VSNL1: variants seen among roughly 807,000 people sequenced by gnomAD.
VSNL1 encodes visinin-like protein 1.
In VSNL1, 6 loss-of-function variants were observed where a neutral mutation model predicts 20.4. That is an observed-to-expected ratio of 0.29 (90% CI 0.16 to 0.58). The LOEUF is 0.58. Ranked by LOEUF, VSNL1 falls within the 20% of genes least tolerant of loss-of-function variation. The probability of loss-of-function intolerance (pLI) is 0.90; values close to 1 mark genes in which losing one functional copy is unlikely to be tolerated. For synonymous variants in VSNL1, 93 were observed against 86.4 expected (o/e 1.08, Z -0.42); for missense variants, 100 against 234.5 (o/e 0.43, Z 3.75).
At chr2:17,619,351 GCTAATT>G (rs1381107319) in intron 2 of VSNL1, among the ~76,000 whole-genome samples, 1 of 152,122 alleles carries the variant, frequency 6.6e-6, no homozygotes, top group Non-Finnish European at 1.5e-5. Flanking sequence ...TTCTCAGCAG[GCTAATT>G]TTTCTTGGAG....
chr2:17,643,303 C>T lies in VSNL1; in HGVS notation c.163-6107C>T, dbSNP rs141788043. Among the ~76,000 whole-genome samples the T allele has an allele frequency of 2.5e-3, 385 of 152,284 alleles. 1 individual carries two copies. The highest frequency in any genetic ancestry group is 8.9e-3 in the African/African-American group (371 of 41,566). On this transcript the variant is annotated intron_variant, in intron 2 of 3. Coordinates refer to ENST00000295156, the MANE Select transcript of VSNL1 (RefSeq NM_003385.5). ...TTAAGGGAAAATGTCTCTCGTCTTCCCATCCATGTGACTAAAGTGCAAGTG... is the reference window on the plus strand; with the variant it reads ...TTAAGGGAAAATGTCTCTCGTCTTCTCATCCATGTGACTAAAGTGCAAGTG...
chr2:17,606,331 T>G (rs1346758397), intron 2 of VSNL1, among the ~76,000 whole-genome samples: 1 of 152,140 alleles, frequency 6.6e-6, no homozygotes, highest in Non-Finnish European at 1.5e-5. Flanking sequence ...CAGACAGAAA[T>G]GAGTCCAAGT....
At chr2:17,613,993 G>C (rs1325016311) in intron 2 of VSNL1, among the ~76,000 whole-genome samples, 1 of 152,208 alleles carries the variant, frequency 6.6e-6, no homozygotes, top group Non-Finnish European at 1.5e-5. Context: ...GGAAGGTTGG[G>C]GAAATGAGCT....
chr2:17,576,270 G>A (rs1461115540), intron 1 of VSNL1, among the ~76,000 whole-genome samples: 2 of 152,146 alleles, frequency 1.3e-5, no homozygotes, highest in Non-Finnish European at 2.9e-5. Flanking sequence ...ACAATTTTAT[G>A]TTCCACTCAG....
intron 1 of VSNL1, among the ~76,000 whole-genome samples, chr2:17,568,587 CATT>C (rs1336041496): frequency 6.6e-6 from 1 of 152,204 alleles, no homozygotes; most frequent in African/African-American, 2.4e-5. Context: ...TCATTCATGT[CATT>C]GCATCCTAGT....
At chr2:17,584,084 C>A (rs1206449194) in intron 1 of VSNL1, among the ~76,000 whole-genome samples, 1 of 152,136 alleles carries the variant, frequency 6.6e-6, no homozygotes, top group Non-Finnish European at 1.5e-5. Context: ...GATTGGGGTT[C>A]CAGTGGGCTA....
chr2:17,605,474 C>T (rs1407507638), intron 2 of VSNL1, among the ~76,000 whole-genome samples: 2 of 152,238 alleles, frequency 1.3e-5, no homozygotes, highest in Admixed American at 1.3e-4. Flanking sequence ...AGCGACTCGG[C>T]GGGTAAGCCA....
At chr2:17,593,313 G>A (rs1311517035) in intron 2 of VSNL1, among the ~76,000 whole-genome samples, 1 of 152,090 alleles carries the variant, frequency 6.6e-6, no homozygotes, top group Non-Finnish European at 1.5e-5. Flanking sequence ...AAAATAAACA[G>A]TGGTATATTT....
At chr2:17,604,405 A>G (rs955362182) in intron 2 of VSNL1, among the ~76,000 whole-genome samples, 1 of 152,202 alleles carries the variant, frequency 6.6e-6, no homozygotes, top group African/African-American at 2.4e-5. Flanking sequence ...CCACCAGCCT[A>G]GTCTTGTGGT....
At chr2:17,652,589 AAAG>A (rs778072534) in intron 3 of VSNL1, among the ~76,000 whole-genome samples, 11 of 152,350 alleles carry the variant, frequency 7.2e-5, no homozygotes, top group Admixed American at 2.6e-4. Flanking sequence ...TTTGCTTTAA[AAAG>A]AAGAAGAATG....
chr2:17,589,772 C>T (rs1270153403), intron 1 of VSNL1, among the ~76,000 whole-genome samples: 3 of 152,172 alleles, frequency 2.0e-5, no homozygotes, highest in Non-Finnish European at 4.4e-5. Context: ...GAAGCTGATA[C>T]GTTGTTGAAC....
At chr2:17,621,792 T>C (rs1665366563) in intron 2 of VSNL1, among the ~76,000 whole-genome samples, 1 of 152,164 alleles carries the variant, frequency 6.6e-6, no homozygotes, top group Non-Finnish European at 1.5e-5. Flanking sequence ...CACACTTGGC[T>C]AATTTTTTTG....
At chr2:17,549,531 G>A (rs1464279185) in intron 1 of VSNL1, among the ~76,000 whole-genome samples, 5 of 152,072 alleles carry the variant, frequency 3.3e-5, no homozygotes, top group African/African-American at 1.2e-4. Context: ...AAAAAGGAAG[G>A]CCTATTGAAA....
chr2:17,584,708 A>G, intron 1 of VSNL1, among the ~76,000 whole-genome samples: 1 of 152,138 alleles, frequency 6.6e-6, no homozygotes, highest in East Asian at 1.9e-4. Context: ...CCCTACTCAC[A>G]TGAGAAGACA....
At chr2:17,622,556 GAAA>G (rs1665399062) in intron 2 of VSNL1, among the ~76,000 whole-genome samples, 2 of 104,778 alleles carry the variant, frequency 1.9e-5, no homozygotes, top group Non-Finnish European at 4.5e-5. Context: ...AAGAAAGAAA[GAAA>G]GAAAGAAAGA....
Position 17,619,831 on chromosome 2 carries a change from G to A in VSNL1, c.162+27595G>A, listed in dbSNP as rs577332922. On this transcript the variant is annotated intron_variant, in intron 2 of 3. Transcript: ENST00000295156. ...ATGATCAGGAATGGTACTAGACACC[G>A]GGGATTCAAATAATTTGTTTGTTAC... 3.7e-4 allele frequency among the ~76,000 whole-genome samples: 56 copies of A among 151,880 alleles called. 1 individual carries two copies. In the South Asian group the frequency reaches 7.1e-3, roughly 19 times the overall value.
chr2:17,592,742 A>G (rs1401847119), intron 2 of VSNL1, among the ~76,000 whole-genome samples: 2 of 137,334 alleles, frequency 1.5e-5, no homozygotes, highest in Non-Finnish European at 3.1e-5. Flanking sequence ...ACATTTAGAA[A>G]AGGGGTGGGG....
At chr2:17,632,275 TG>T (rs1264391259) in intron 2 of VSNL1, among the ~76,000 whole-genome samples, 2 of 152,040 alleles carry the variant, frequency 1.3e-5, no homozygotes, top group Non-Finnish European at 2.9e-5. Context: ...CAATGGTCAT[TG>T]TTTTTTTTTG....
At chr2:17,590,691 G>C (rs1037448824) in intron 1 of VSNL1, among the ~76,000 whole-genome samples, 7 of 152,156 alleles carry the variant, frequency 4.6e-5, no homozygotes, top group African/African-American at 1.7e-4. Flanking sequence ...CTGACAATGG[G>C]TGTGGAATCT....
Sources: gnomAD v4.1 joint callset for allele counts (sites outside exome capture counted in the v4.1 genomes callset) on GRCh38, gnomAD v4.1.1 for gene constraint, MANE v1.5 for transcripts, NCBI Gene and HGNC (gene_info 2026-07-23, HGNC 2026-07-21) for gene names.